CNTNAP2: variants seen among roughly 807,000 people sequenced by gnomAD.
CNTNAP2 encodes contactin associated protein 2, also known as contactin-associated protein-like 2.
CNTNAP2 carries 98 observed loss-of-function variants against 155.2 expected under a neutral mutation model. The observed-to-expected ratio is 0.63, with a 90% CI of 0.54 to 0.75. The LOEUF (loss-of-function observed/expected upper bound fraction) is 0.75, where lower values mean the gene tolerates loss of function less well. Among genes scored for constraint, CNTNAP2 ranks in the 30% least tolerant of loss-of-function variants. The probability of loss-of-function intolerance (pLI) is 0.00; values close to 1 mark genes in which losing one functional copy is unlikely to be tolerated. For missense variants in CNTNAP2, 1,727 were observed against 1,688.1 expected (o/e 1.02, Z -0.40); for synonymous variants, 651 against 631.2 (o/e 1.03, Z -0.47).
At chr7:146,255,983 G>T (rs986251655) in intron 1 of CNTNAP2, among the ~76,000 whole-genome samples, 2 of 152,106 alleles carry the variant, frequency 1.3e-5, no homozygotes, top group African/African-American at 4.8e-5. Context: ...CAAAAGAAAA[G>T]GTCATTATTA....
At chr7:148,404,944 C>T (rs957640543) in intron 22 of CNTNAP2, among the ~76,000 whole-genome samples, 2 of 152,210 alleles carry the variant, frequency 1.3e-5, no homozygotes, top group African/African-American at 4.8e-5. Flanking sequence ...TCCTCTGCCA[C>T]ACTGCTCTGC....
In CNTNAP2 at chr7:147,485,957, C is replaced by T; in HGVS notation, c.1693C>T (p.His565Tyr). The T allele has an allele frequency of 6.2e-7, 1 of 1,614,046 alleles. No individual in the cohort carries two copies. The highest frequency in any genetic ancestry group is 8.5e-7 in the Non-Finnish European group (1 of 1,179,970). The stretch of plus-strand genomic sequence containing the variant: ...CAGATGTGTGCCCAATCACTGTGAG[C>T]ATGGTGGAAAGTGCTCGCAAACATG... Reference protein sequence around the residue: ...IDRCVPNHCEHGGKCSQTWDS... With the variant: ...IDRCVPNHCEYGGKCSQTWDS... Residue 565 changes from histidine (H) to tyrosine (Y), a missense_variant, in exon 11 of 24, where the codon CAT becomes TAT. By Grantham distance (83) the His-to-Tyr change is moderately conservative. Coordinates refer to ENST00000361727, the MANE Select transcript of CNTNAP2 (RefSeq NM_014141.6).
chr7:147,054,106 TC>T (rs1799518316), intron 4 of CNTNAP2, among the ~76,000 whole-genome samples: 2 of 152,188 alleles, frequency 1.3e-5, no homozygotes, highest in Non-Finnish European at 2.9e-5. Flanking sequence ...CTTCTTTGTT[TC>T]TTCTTCACCC....
intron 1 of CNTNAP2, among the ~76,000 whole-genome samples, chr7:146,273,369 G>T (rs891953835): frequency 1.3e-5 from 2 of 152,096 alleles, no homozygotes; most frequent in Admixed American, 6.6e-5. Flanking sequence ...TTATGATTTT[G>T]AACAGGAGTT....
At chr7:147,802,714 G>C (rs925191127) in intron 13 of CNTNAP2, among the ~76,000 whole-genome samples, 15 of 149,776 alleles carry the variant, frequency 1.0e-4, no homozygotes, top group Non-Finnish European at 2.2e-4. Context: ...GCAGTGAGCC[G>C]AGATGGCAGC....
intron 10 of CNTNAP2, among the ~76,000 whole-genome samples, chr7:147,426,067 T>G (rs532635503): frequency 1.3e-5 from 2 of 152,158 alleles, no homozygotes; most frequent in Non-Finnish European, 2.9e-5. Flanking sequence ...AATTTTATCT[T>G]GAGCAGAATT....
At chr7:147,977,495 C>T (rs993295085) in intron 14 of CNTNAP2, among the ~76,000 whole-genome samples, 7 of 152,144 alleles carry the variant, frequency 4.6e-5, no homozygotes, top group African/African-American at 9.7e-5. Flanking sequence ...ATTATTCAAG[C>T]GACCAGGTTG....
intron 11 of CNTNAP2, among the ~76,000 whole-genome samples, chr7:147,560,533 AT>A (rs1800042666): frequency 6.6e-6 from 1 of 152,156 alleles, no homozygotes; most frequent in Admixed American, 6.5e-5. Flanking sequence ...CATATTAATA[AT>A]TACACTGGGA....
intron 1 of CNTNAP2, among the ~76,000 whole-genome samples, chr7:146,304,707 T>A (rs974384919): frequency 6.6e-6 from 1 of 152,148 alleles, no homozygotes; most frequent in African/African-American, 2.4e-5. Context: ...TTAACATTTT[T>A]TTCCTTCATT....
In CNTNAP2 at chr7:146,679,200, C is replaced by T. The variant is rs1313625277; in HGVS notation, c.98-95071C>T. ...GATAGGCCCTAGTGTGTATTGTTCC[C>T]TTTATGTGCCCATGTGTTCCCATCA... On this transcript the variant is annotated intron_variant, in intron 1 of 23. Coordinates refer to ENST00000361727, the MANE Select transcript of CNTNAP2 (RefSeq NM_014141.6). Among the ~76,000 whole-genome samples, 5 of 152,164 alleles carry T rather than the reference C, an allele frequency of 3.3e-5. No individual in the cohort carries two copies. The East Asian group carries it at 9.7e-4, about 30-fold the overall frequency.
At chr7:148,415,349 A>G in intron 23 of CNTNAP2, 68 bp from the exon 24 acceptor site, 1 of 1,519,116 alleles carries the variant, frequency 6.6e-7, no homozygotes, top group Non-Finnish European at 9.0e-7. Flanking sequence ...GCTGTAGTGA[A>G]GTGGGGACAG....
chr7:147,277,709 C>T lies in CNTNAP2; in HGVS notation c.1349-22432C>T, dbSNP rs1804929574. 1.3e-5 allele frequency among the ~76,000 whole-genome samples: 2 copies of T among 151,668 alleles called. 1 individual carries two copies. The highest frequency in any genetic ancestry group is 4.1e-4 in the South Asian group (2 of 4,832). ...GTCTATAGCTGCTATATTCATCCTC[C>T]CAAGAAATCTGTTATTATGCCATTT... On this transcript the variant is annotated intron_variant, in intron 8 of 23. Coordinates refer to ENST00000361727, the MANE Select transcript of CNTNAP2 (RefSeq NM_014141.6).
intron 1 of CNTNAP2, among the ~76,000 whole-genome samples, chr7:146,722,910 G>C (rs1381999562): frequency 2.0e-5 from 3 of 152,092 alleles, no homozygotes; most frequent in African/African-American, 7.2e-5. Flanking sequence ...AGCTACTTGG[G>C]AGGCTGAGGA....
intron 1 of CNTNAP2, among the ~76,000 whole-genome samples, chr7:146,385,196 A>G (rs1795443481): frequency 6.6e-6 from 1 of 151,864 alleles, no homozygotes; most frequent in Non-Finnish European, 1.5e-5. Flanking sequence ...TCTTAATTCT[A>G]CTGATATAAA....
chr7:146,362,826 A>G (rs1284709583), intron 1 of CNTNAP2, among the ~76,000 whole-genome samples: 1 of 134,568 alleles, frequency 7.4e-6, no homozygotes, highest in East Asian at 2.2e-4. Flanking sequence ...ACTGGAGTGC[A>G]GTGGCACGAT....
intron 13 of CNTNAP2, among the ~76,000 whole-genome samples, chr7:147,772,343 G>A (rs988567371): frequency 2.7e-5 from 4 of 149,088 alleles, no homozygotes; most frequent in Non-Finnish European, 4.4e-5. Flanking sequence ...CTTAAACCCG[G>A]GAGTTGGAGG....
chr7:146,932,678 C>T (rs184017605), intron 3 of CNTNAP2, among the ~76,000 whole-genome samples: 16 of 152,290 alleles, frequency 1.1e-4, no homozygotes, highest in African/African-American at 3.6e-4. Context: ...GATAGTATAT[C>T]TGGAAAACCC....
intron 2 of CNTNAP2, among the ~76,000 whole-genome samples, chr7:146,835,313 G>A (rs533033376): frequency 6.6e-6 from 1 of 152,226 alleles, no homozygotes; most frequent in Admixed American, 6.5e-5. Context: ...TTTCTCACCT[G>A]TTACCTCATT....
intron 13 of CNTNAP2, among the ~76,000 whole-genome samples, chr7:147,648,600 G>A (rs1476922427): frequency 6.6e-6 from 1 of 152,162 alleles, no homozygotes; most frequent in Non-Finnish European, 1.5e-5. Flanking sequence ...TGTCTCACAT[G>A]GCGGCAGACA....
Sources: allele counts gnomAD v4.1 joint callset (sites outside exome capture counted in the v4.1 genomes callset), GRCh38; gene constraint gnomAD v4.1.1; transcripts MANE v1.5; gene names NCBI Gene and HGNC (gene_info 2026-07-23, HGNC 2026-07-21).